TBL1X: variants seen among roughly 807,000 people sequenced by gnomAD.
TBL1X encodes the protein transducin beta like 1 X-linked, also known as F-box-like/WD repeat-containing protein TBL1X.
Under a neutral mutation model 50.7 loss-of-function variants are expected in TBL1X, and 10 were observed. That is an observed-to-expected ratio of 0.20 (90% CI 0.12 to 0.33). The LOEUF (loss-of-function observed/expected upper bound fraction) is 0.33, where lower values mean the gene tolerates loss of function less well. TBL1X is among the 10% of genes least tolerant of loss of function. The pLI is 1.00. For synonymous variants in TBL1X, 190 were observed against 214.7 expected (o/e 0.88, Z 1.01); for missense variants, 340 against 504.4 (o/e 0.67, Z 3.12).
At chrX:9,707,115 G>A (rs1458653398) in intron 13 of TBL1X, among the ~76,000 whole-genome samples, 4 of 111,422 alleles carry the variant, frequency 3.6e-5, no homozygotes, top group African/African-American at 1.3e-4. Context: ...GTGGGGCAGG[G>A]TGGGGGTCCC....
chrX:9,530,139 G>A (rs997523141), intron 2 of TBL1X, among the ~76,000 whole-genome samples: 3 of 111,618 alleles, frequency 2.7e-5, no homozygotes, highest in African/African-American at 9.8e-5. Context: ...AAACAGGAGA[G>A]CCCTGTTATT....
chrX:9,568,197 G>A (rs781095957), intron 2 of TBL1X, among the ~76,000 whole-genome samples: 4 of 111,661 alleles, frequency 3.6e-5, no homozygotes, highest in South Asian at 3.7e-4. Flanking sequence ...TCCTCTTTTC[G>A]TGGCATGTTC....
At chrX:9,711,500 T>A (rs369055054) in intron 15 of TBL1X, 111 bp from the exon 16 acceptor site, 35 of 778,079 alleles carry the variant, frequency 4.5e-5, no homozygotes, top group Middle Eastern at 6.7e-4. Flanking sequence ...TTATTATCTT[T>A]TGAAACGTAA....
intron 2 of TBL1X, among the ~76,000 whole-genome samples, chrX:9,523,082 G>A (rs973100417): frequency 9.0e-6 from 1 of 111,481 alleles, no homozygotes; most frequent in African/African-American, 3.3e-5. Flanking sequence ...CTTGTCTTTA[G>A]CACTAAAAAC....
chrX:9,687,844 A>T, intron 6 of TBL1X, among the ~76,000 whole-genome samples, 173 bp from the exon 7 acceptor site: 1 of 110,585 alleles, frequency 9.0e-6, no homozygotes, highest in Middle Eastern at 4.6e-3. Flanking sequence ...CCACCGTGGG[A>T]TCCCTTCACC....
At chrX:9,620,250 G>A (rs968389309) in intron 2 of TBL1X, among the ~76,000 whole-genome samples, 5 of 112,347 alleles carry the variant, frequency 4.5e-5, no homozygotes, top group Non-Finnish European at 9.4e-5. Flanking sequence ...AGTGTTCCGT[G>A]GGGTTGTGCT....
chrX:9,491,304 A>ATT (rs2081940182), intron 1 of TBL1X, among the ~76,000 whole-genome samples: 24 of 40,254 alleles, frequency 6.0e-4, no homozygotes, highest in African/African-American at 2.4e-3. Flanking sequence ...TGGCCAGTAT[A>ATT]TTTATATATA....
At chrX:9,585,055 TTGTCAAAGCATCCA>T (rs1408828697) in intron 2 of TBL1X, among the ~76,000 whole-genome samples, 1 of 111,811 alleles carries the variant, frequency 8.9e-6, no homozygotes, top group Non-Finnish European at 1.9e-5. Flanking sequence ...AGGGAATGGC[TTGTCAAAGCATCCA>T]TGTCAAAGGG....
intron 2 of TBL1X, among the ~76,000 whole-genome samples, chrX:9,619,413 G>A (rs2082655413): frequency 9.0e-6 from 1 of 111,578 alleles, no homozygotes; most frequent in African/African-American, 3.3e-5. Context: ...CCACACCCGC[G>A]GTGCATCCCT....
intron 2 of TBL1X, among the ~76,000 whole-genome samples, chrX:9,594,366 G>T (rs951403914): frequency 8.9e-6 from 1 of 112,172 alleles, no homozygotes; most frequent in Non-Finnish European, 1.9e-5. Context: ...TTAGGTGGAG[G>T]TTAGTATGTT....
chrX:9,472,465 A>G lies in TBL1X; in HGVS notation c.-201+7018A>G, dbSNP rs745664623. On this transcript the variant is annotated intron_variant, in intron 1 of 17. Transcript: ENST00000645353. ...TTTTTTTTTTTTTTTTTAATTTTCA[A>G]TTTTTTTCTAGAGATTGGGTCTTGC... is the stretch of plus-strand genomic sequence containing the variant. 4.8e-5 allele frequency among the ~76,000 whole-genome samples: 4 copies of G among 82,977 alleles called. No individual in the cohort carries two copies. In the East Asian group the frequency reaches 1.4e-3, roughly 29 times the overall value. The allele number at this position is 82,977 out of a possible 115,157, so 72.1% of individuals were successfully genotyped here.
intron 5 of TBL1X, among the ~76,000 whole-genome samples, chrX:9,666,933 C>T (rs752667839): frequency 1.4e-4 from 16 of 111,794 alleles, no homozygotes; most frequent in African/African-American, 4.5e-4. Context: ...TATGGAAATA[C>T]GGTTTTTGTT....
At chrX:9,691,856 A>G in intron 8 of TBL1X, 145 bp downstream of exon 8, 1 of 875,906 alleles carries the variant, frequency 1.1e-6, no homozygotes, top group East Asian at 3.2e-5. Flanking sequence ...GGGTGGCTCT[A>G]TGAGCCACTT....
At chrX:9,596,893 T>C (rs1044329141) in intron 2 of TBL1X, among the ~76,000 whole-genome samples, 2 of 111,281 alleles carry the variant, frequency 1.8e-5, no homozygotes, top group African/African-American at 6.5e-5. Flanking sequence ...TAGGTCGTGC[T>C]GCTTTAATAT....
intron 2 of TBL1X, among the ~76,000 whole-genome samples, chrX:9,603,764 G>A (rs1018805571): frequency 9.0e-6 from 1 of 111,688 alleles, no homozygotes; most frequent in African/African-American, 3.3e-5. Flanking sequence ...GGCCAGAAGT[G>A]CAGAATCAAG....
chrX:9,604,465 G>C lies in TBL1X; in HGVS notation c.-130-35808G>C, dbSNP rs113281732. Among the ~76,000 whole-genome samples the C allele has an allele frequency of 7.9e-3, 874 of 110,634 alleles. 10 individuals are homozygous for C. Among genetic ancestry groups the C allele is most frequent in the African/African-American group, 0.027 (815 of 30,353 alleles). ...CTCTTAACAGAAGGGCAGTTTTTGA[G>C]TAAATGAAGCAGGACTTGATCTGGG... On this transcript the variant is annotated intron_variant, in intron 2 of 17. Coordinates refer to ENST00000645353, the MANE Select transcript of TBL1X (RefSeq NM_005647.4).
At position 9,653,066 on chromosome X, in the gene TBL1X, G is replaced by A. The variant is rs775279604; in HGVS notation, c.-42-479G>A. Among the ~76,000 whole-genome samples, 7 of 112,101 alleles carry A rather than the reference G, an allele frequency of 6.2e-5. No homozygotes were observed. The East Asian group carries it at 1.7e-3, about 27-fold the overall frequency. On this transcript the variant is annotated intron_variant, in intron 3 of 17. Coordinates refer to ENST00000645353, the MANE Select transcript of TBL1X (RefSeq NM_005647.4). ...TGTAGTCCCAGCTACTCGGGAGGCT[G>A]AGGCAGGAGAATCCCTTGAACCCAG...
At chrX:9,662,954 C>T (rs974013867) in intron 5 of TBL1X, among the ~76,000 whole-genome samples, 2 of 111,362 alleles carry the variant, frequency 1.8e-5, no homozygotes, top group African/African-American at 6.5e-5. Flanking sequence ...GAGACCCTGT[C>T]TCTTAAAAAT....
chrX:9,494,255 G>A (rs899925641), intron 1 of TBL1X, among the ~76,000 whole-genome samples: 4 of 111,702 alleles, frequency 3.6e-5, no homozygotes, highest in African/African-American at 1.3e-4. Flanking sequence ...CCAAATTCCA[G>A]AAGAGAATTT....
Sources: allele counts gnomAD v4.1 joint callset (sites outside exome capture counted in the v4.1 genomes callset), GRCh38; gene constraint gnomAD v4.1.1; transcripts MANE v1.5; gene names NCBI Gene and HGNC (gene_info 2026-07-23, HGNC 2026-07-21).